The following SAMD5 variants were observed in gnomAD, a reference collection of about 807,000 sequenced individuals.
The protein encoded by SAMD5 is sterile alpha motif domain containing 5, also known as sterile alpha motif domain-containing protein 5.
Under a neutral mutation model 11.3 loss-of-function variants are expected in SAMD5, and 13 were observed. That is an observed-to-expected ratio of 1.15 (90% CI 0.75 to 1.83). The LOEUF (loss-of-function observed/expected upper bound fraction) is 1.83. Ranked by LOEUF, SAMD5 falls within the 40% of genes most tolerant of loss-of-function variation. SAMD5 has a pLI of 0.00. For missense variants in SAMD5, 255 were observed against 239.1 expected (o/e 1.07, Z -0.44); for synonymous variants, 129 against 111.3 (o/e 1.16, Z -1.00).
At chr6:147,563,873 G>A (rs1448530276) in intron 1 of SAMD5, among the ~76,000 whole-genome samples, 1 of 152,220 alleles carries the variant, frequency 6.6e-6, no homozygotes, top group African/African-American at 2.4e-5. Flanking sequence ...ACATACAGAT[G>A]ATAATGATTA....
chr6:147,879,893 A>G, the SAMD5 span, among the ~76,000 whole-genome samples: 1 of 152,206 alleles, frequency 6.6e-6, no homozygotes, highest in Non-Finnish European at 1.5e-5. Flanking sequence ...CTTTTGCACA[A>G]CACGGACCTG....
At chr6:147,906,643 T>C in the SAMD5 span, among the ~76,000 whole-genome samples, 1 of 152,160 alleles carries the variant, frequency 6.6e-6, no homozygotes, top group Non-Finnish European at 1.5e-5. Flanking sequence ...TCGTAAGTCA[T>C]TTTTGGTAGA....
the SAMD5 span, among the ~76,000 whole-genome samples, chr6:147,872,285 AT>A: frequency 6.6e-6 from 1 of 151,370 alleles, no homozygotes; most frequent in Admixed American, 6.6e-5. Flanking sequence ...TTTTTTAGAG[AT>A]GGGGTCTTGC....
In SAMD5 at chr6:147,719,403, G is replaced by A. The variant is rs115873111; in HGVS notation, c.163-17914G>A. Among the ~76,000 whole-genome samples, 1,082 of 152,162 alleles carry A rather than the reference G, an allele frequency of 7.1e-3. 11 individuals are homozygous for A. The highest frequency in any genetic ancestry group is 0.025 in the African/African-American group (1,021 of 41,508). ...GGGATATCTGATTCATTCTGTTGAG[G>A]GCCTATGGCTCTTAGGCTCAAGAGA... On this transcript the variant is annotated intron_variant, in intron 1 of 1. Transcript: ENST00000566741.
intron 1 of SAMD5, among the ~76,000 whole-genome samples, chr6:147,629,778 G>T (rs1322153693): frequency 6.6e-6 from 1 of 152,094 alleles, no homozygotes; most frequent in African/African-American, 2.4e-5. Flanking sequence ...TTGTGGGGCT[G>T]TGTCAAGAAT....
chr6:147,566,598 G>C lies in SAMD5; in HGVS notation c.*2142G>C, dbSNP rs930319704. On this transcript the variant is annotated 3_prime_UTR_variant, in exon 2 of 2. Transcript: ENST00000367474. ...TCATTTCAAGTTTTATTTTCTATTA[G>C]AGTAATATCTAACTTCAATTATTTT... The C allele has an allele frequency of 2.0e-6, 2 of 979,484 alleles. No homozygotes were observed. Among genetic ancestry groups the C allele is most frequent in the Non-Finnish European group, 2.4e-6 (2 of 824,298 alleles). 60.7% of individuals were successfully genotyped at this position (979,484 alleles called of 1,614,324 possible).
intron 1 of SAMD5, among the ~76,000 whole-genome samples, chr6:147,722,401 T>C (rs539114820): frequency 6.6e-6 from 1 of 152,288 alleles, no homozygotes; most frequent in South Asian, 2.1e-4. Flanking sequence ...GGCCTAAGCA[T>C]GTATTTGCCA....
chr6:147,926,675 T>G, the SAMD5 span, among the ~76,000 whole-genome samples: 1 of 152,222 alleles, frequency 6.6e-6, no homozygotes, highest in East Asian at 1.9e-4. Context: ...GCTTTTAAGT[T>G]TAATTAGATC....
At chr6:147,740,704 G>C (rs1791868506), downstream of SAMD5, among the ~76,000 whole-genome samples, 4 of 152,242 alleles carry the variant, frequency 2.6e-5, no homozygotes, top group South Asian at 8.3e-4. Flanking sequence ...TTCTTAAAAT[G>C]CTCCTTTTTC....
intron 1 of SAMD5, among the ~76,000 whole-genome samples, chr6:147,652,719 C>T (rs1316130343): frequency 2.6e-5 from 4 of 152,232 alleles, no homozygotes; most frequent in Non-Finnish European, 5.9e-5. Context: ...TATTATCCTA[C>T]AGTCAAGACA....
the SAMD5 span, among the ~76,000 whole-genome samples, chr6:147,779,940 T>C: frequency 6.6e-6 from 1 of 152,212 alleles, no homozygotes; most frequent in African/African-American, 2.4e-5. Flanking sequence ...TTGTGATAGA[T>C]ATTAGTTGTT....
At chr6:147,751,364 C>T in the SAMD5 span, among the ~76,000 whole-genome samples, 2 of 151,930 alleles carry the variant, frequency 1.3e-5, no homozygotes, top group Admixed American at 6.6e-5. Context: ...CCTAGTAAAA[C>T]GTAAGCAACG....
At chr6:147,837,519 G>A in the SAMD5 span, among the ~76,000 whole-genome samples, 1 of 152,190 alleles carries the variant, frequency 6.6e-6, no homozygotes, top group African/African-American at 2.4e-5. Flanking sequence ...AGAACAAAAT[G>A]TTCTGTCCCC....
At chr6:147,848,343 T>C in the SAMD5 span, among the ~76,000 whole-genome samples, 1 of 152,138 alleles carries the variant, frequency 6.6e-6, no homozygotes, top group Admixed American at 6.5e-5. Context: ...GAGCCCCACA[T>C]CCTGAAGGCT....
intron 1 of SAMD5, among the ~76,000 whole-genome samples, chr6:147,556,973 C>G: frequency 6.6e-6 from 1 of 152,122 alleles, no homozygotes; most frequent in East Asian, 1.9e-4. Flanking sequence ...AAAAGAAAAA[C>G]AGTAGTTCTG....
rs117400814 is a variant in SAMD5, at chr6:147,589,690, C to T, written c.162+80303C>T. 3.3e-3 allele frequency among the ~76,000 whole-genome samples: 508 copies of T among 152,294 alleles called. 2 individuals carry two copies. Among genetic ancestry groups the T allele is most frequent in the Middle Eastern group, 0.01 (3 of 294 alleles). On this transcript the variant is annotated intron_variant, in intron 1 of 1. Transcript: ENST00000566741. ...ACTCCACCATAACTTAAGGCTGTGA[C>T]AGCATTAAACACATTGATAAATATA...
chr6:147,620,431 T>C (rs1789942369), intron 1 of SAMD5, among the ~76,000 whole-genome samples: 1 of 152,240 alleles, frequency 6.6e-6, no homozygotes, highest in Non-Finnish European at 1.5e-5. Context: ...CGCATTTCTA[T>C]GCCTGTAACC....
At chr6:147,748,196 A>G in the SAMD5 span, among the ~76,000 whole-genome samples, 13 of 152,350 alleles carry the variant, frequency 8.5e-5, no homozygotes, top group African/African-American at 2.6e-4. Context: ...AATGGAGTCC[A>G]CCATGTAATG....
chr6:147,682,125 C>T (rs1477253931), intron 1 of SAMD5, among the ~76,000 whole-genome samples: 2 of 152,172 alleles, frequency 1.3e-5, no homozygotes, highest in Non-Finnish European at 2.9e-5. Flanking sequence ...CTGTCTCCTC[C>T]ATTTACAGTG....
Sources: allele counts gnomAD v4.1 joint callset (sites outside exome capture counted in the v4.1 genomes callset), GRCh38; gene constraint gnomAD v4.1.1; transcripts MANE v1.5; gene names NCBI Gene and HGNC (gene_info 2026-07-23, HGNC 2026-07-21).